Variants in SMTN observed in about 807,000 individuals in gnomAD.
The protein encoded by SMTN is smoothelin.
A neutral mutation model predicts 102.0 loss-of-function variants in SMTN; 58 were observed. The ratio of observed to expected loss-of-function variants is 0.57; its 90% CI spans 0.46 to 0.71. The LOEUF (loss-of-function observed/expected upper bound fraction) is 0.71. SMTN is among the 30% of genes least tolerant of loss of function. The probability of loss-of-function intolerance (pLI) is 0.00; values close to 1 mark genes in which losing one functional copy is unlikely to be tolerated. For missense variants in SMTN, 1,185 were observed against 1,241.7 expected, an observed-to-expected ratio of 0.95 and a Z score of 0.69; for synonymous variants, 478 against 497.9, an observed-to-expected ratio of 0.96 and a Z score of 0.53.
intron 1 of SMTN, among the ~76,000 whole-genome samples, chr22:31,073,145 A>AGT (rs1290869973): frequency 6.6e-6 from 1 of 150,746 alleles, no homozygotes; most frequent in African/African-American, 2.5e-5. Flanking sequence ...TTCCCAGAGT[A>AGT]GTGGGATTAC....
Position 31,090,838 on chromosome 22 carries a change from C to A in SMTN, c.896C>A (p.Ser299Tyr), listed in dbSNP as rs750183416. Residue 299 changes from serine to tyrosine, a missense_variant, in exon 9 of 21, where the codon TCC (serine) becomes TAC (tyrosine). Ser to Tyr is a moderately radical substitution (Grantham distance 144, BLOSUM62 -2). This residue lies in a region of SMTN where 1,096 missense variants were observed against 1,112.7 expected (regional missense o/e 0.98). Coordinates refer to ENST00000333137, the MANE Select transcript of SMTN (RefSeq NM_134269.3). The stretch of plus-strand genomic sequence containing the variant: ...GCTGGACCCCGACCCTGCCAACGCT[C>A]CCTGTCGGTGCTCAGCCCCCGCCAA... Reference protein sequence around the residue: ...DVAGPRPCQRSLSVLSPRQPA... With the variant: ...DVAGPRPCQRYLSVLSPRQPA... 1 of 1,613,992 alleles carries A rather than the reference C, an allele frequency of 6.2e-7. No individual in the cohort carries two copies. Among genetic ancestry groups the A allele is most frequent in the South Asian group, 1.1e-5 (1 of 91,082 alleles).
At chr22:31,074,795 CAAA>C (rs1412184539) in intron 1 of SMTN, among the ~76,000 whole-genome samples, 1,486 of 142,542 alleles carry the variant, frequency 0.01, 32 homozygotes, top group African/African-American at 0.042. Flanking sequence ...GAAACTGTCT[CAAA>C]AAACAACAAA....
chr22:31,067,553 CTTT>C lies in SMTN; in HGVS notation c.-386+3384_-386+3386del, dbSNP rs36105837. The C allele has an allele frequency of 2.7e-3, 247 of 89,900 alleles. 4 individuals carry two copies. The South Asian group carries it at 0.047, about 17-fold the overall frequency. 5.6% of individuals were successfully genotyped at this position (89,900 alleles called of 1,614,324 possible). A position where few individuals can be genotyped will look rare whatever the true frequency, so the allele number is the denominator to read the frequency against. ...ACGCCCGGCGCACCTGCTTCTTCTT[CTTT>C]TTTTTTTTTTTTTTTTTGAGACGAG... On this transcript the variant is annotated intron_variant, in intron 1 of 3. Transcript: ENST00000422839.
At chr22:31,093,904 G>A (rs1344945553) in intron 11 of SMTN, 3 of 1,448,570 alleles carry the variant, frequency 2.1e-6, no homozygotes, top group Non-Finnish European at 2.8e-6. Context: ...GGTGGGAGGG[G>A]TAGTTTTGAG....
At chr22:31,079,455 C>T (rs116894149), upstream of SMTN, among the ~76,000 whole-genome samples, 6,549 of 152,304 alleles carry the variant, frequency 0.043, 201 homozygotes, top group Middle Eastern at 0.078. Context: ...TACAGTAGGG[C>T]AGGGAGAAAG....
intron 2 of SMTN, 92 bp downstream of exon 2, chr22:31,083,401 T>G (rs1602591798): frequency 7.1e-7 from 1 of 1,401,450 alleles, no homozygotes; most frequent in South Asian, 1.5e-5. Flanking sequence ...CAGGAAGAAG[T>G]GATGGGGGAA....
intron 20 of SMTN, 138 bp downstream of exon 20, chr22:31,101,187 T>A: frequency 2.5e-6 from 2 of 805,970 alleles, no homozygotes; most frequent in Non-Finnish European, 3.8e-6. Flanking sequence ...AGCCCTGTCT[T>A]CTGGCAGTTC....
At chr22:31,100,693 G>A (rs1327225920) in intron 19 of SMTN, among the ~76,000 whole-genome samples, 192 bp from the exon 20 acceptor site, 1 of 152,184 alleles carries the variant, frequency 6.6e-6, no homozygotes, top group East Asian at 1.9e-4. Flanking sequence ...GTGGGGAGGA[G>A]GCATGCGGGG....
intron 13 of SMTN, chr22:31,096,426 A>G: frequency 3.4e-6 from 1 of 296,724 alleles, no homozygotes; most frequent in African/African-American, 2.2e-5. Flanking sequence ...AGATCTAGAT[A>G]CCCCTCCTGA....
intron 1 of SMTN, among the ~76,000 whole-genome samples, chr22:31,074,692 G>A (rs1003001649): frequency 3.9e-5 from 6 of 152,264 alleles, no homozygotes; most frequent in African/African-American, 1.4e-4. Flanking sequence ...CACTACTCGG[G>A]AGGCTGAGGC....
rs1336567391 is a variant in SMTN, at chr22:31,088,725, G to A, written c.321G>A (p.Glu107=). 3.7e-6 allele frequency: 6 copies of A among 1,613,616 alleles called. No individual in the cohort carries two copies. Among genetic ancestry groups the A allele is most frequent in the Admixed American group, 1.7e-5 (1 of 59,876 alleles). Residue 107 remains glutamate, a synonymous_variant, in exon 5 of 21, where the codon GAG becomes GAA. Transcript: ENST00000333137. ...ALLRSAGEYE[E]RKLIRAAIRR... is the part of the protein sequence containing the mutation. ...TGCGAAGCGCTGGTGAGTATGAGGAGCGCAAGCTGATCCGAGCTGCCATCC... is the reference window on the plus strand; with the variant it reads ...TGCGAAGCGCTGGTGAGTATGAGGAACGCAAGCTGATCCGAGCTGCCATCC...
At chr22:31,085,319 G>C in intron 2 of SMTN, 1 of 1,475,826 alleles carries the variant, frequency 6.8e-7, no homozygotes. Context: ...GGCGCCCTGC[G>C]AGGGAGGGCG....
intron 20 of SMTN, chr22:31,103,698 A>T (rs2267167): frequency 0.13 from 19,832 of 153,022 alleles, 1,809 homozygotes; most frequent in East Asian, 0.42. Context: ...GCTCTACCCA[A>T]GGCAGGTGAT....
rs755001420 is a variant in SMTN, at chr22:31,090,123, A to G, written c.808A>G (p.Lys270Glu). 1.2e-6 allele frequency: 2 copies of G among 1,612,300 alleles called. No individual in the cohort carries two copies. Among genetic ancestry groups the G allele is most frequent in the East Asian group, 2.2e-5 (1 of 44,866 alleles). ...TCCCTTGCAGCTTCTGTCTGGCCCC[A>G]AAGAGACCCCTGCTGCCCAGAGCCC... ...QVVNKLLSGP[K>E]ETPAAQSPTR... is the part of the protein sequence containing the mutation. Residue 270 changes from lysine (K) to glutamate (E), a missense_variant, in exon 8 of 21, where the codon AAA becomes GAA. By Grantham distance (56) the Lys-to-Glu change is moderately conservative. Transcript: ENST00000333137.
At position 31,085,437 on chromosome 22, in the gene SMTN, C is replaced by A. The variant is rs750969427; in HGVS notation, c.51+2128C>A. ...GCTGGGACTGAAAGCCTGGAGAGCC[C>A]CCTCCGTTGTGCTGTTGGGGAGACT... On this transcript the variant is annotated intron_variant, in intron 2 of 20. Transcript: ENST00000333137. The A allele has an allele frequency of 5.5e-6, 4 of 727,914 alleles. No homozygotes were observed. In the African/African-American group the frequency reaches 7.2e-5, roughly 13 times the overall value. 45.1% of individuals were successfully genotyped at this position (727,914 alleles called of 1,614,324 possible).
At chr22:31,094,644 G>T (rs1279785018) in intron 11 of SMTN, among the ~76,000 whole-genome samples, 2 of 150,728 alleles carry the variant, frequency 1.3e-5, no homozygotes, top group Admixed American at 6.6e-5. Flanking sequence ...TAGCTGCCCT[G>T]AGCCTCAGTT....
intron 3 of SMTN, 165 bp from the exon 4 acceptor site, chr22:31,088,348 C>T: frequency 1.3e-6 from 1 of 763,188 alleles, no homozygotes; most frequent in East Asian, 2.5e-5. Flanking sequence ...GGTATTAGTG[C>T]CCACGTCCAT....
intron 2 of SMTN, 175 bp downstream of exon 2, chr22:31,083,484 A>G: frequency 1.3e-6 from 1 of 755,452 alleles, no homozygotes; most frequent in South Asian, 1.9e-5. Flanking sequence ...CCCTTGTGGC[A>G]TGTGCCTGTC....
chr22:31,085,492 G>C (rs554285988), intron 2 of SMTN, among the ~76,000 whole-genome samples: 14 of 152,344 alleles, frequency 9.2e-5, no homozygotes, highest in African/African-American at 3.1e-4. Context: ...GGGCCTGCCA[G>C]GCGTTCCCAA....
Sources: allele counts gnomAD v4.1 joint callset (sites outside exome capture counted in the v4.1 genomes callset), GRCh38; gene constraint gnomAD v4.1.1; regional missense constraint gnomAD v4.1.1; transcripts MANE v1.5; gene names NCBI Gene and HGNC (gene_info 2026-07-23, HGNC 2026-07-21).